Variants in MAN2B2 observed in about 807,000 individuals in gnomAD.
MAN2B2 encodes epididymis-specific alpha-mannosidase.
In MAN2B2, 106 loss-of-function variants were observed where a neutral mutation model predicts 117.1. The observed-to-expected ratio is 0.90, with a 90% confidence interval of 0.77 to 1.06. MAN2B2 has a LOEUF of 1.06. MAN2B2 is among the 50% of genes least tolerant of loss of function. MAN2B2 has a pLI of 0.00. For missense variants in MAN2B2, 1,326 were observed against 1,381.4 expected (o/e 0.96, Z 0.64); for synonymous variants, 544 against 595.1 (o/e 0.91, Z 1.25).
chr4:6,613,867 G>A (rs993212952), intron 15 of MAN2B2, among the ~76,000 whole-genome samples: 4 of 152,134 alleles, frequency 2.6e-5, no homozygotes, highest in Non-Finnish European at 5.9e-5. Context: ...GGAAAAAAAC[G>A]AAGGAAGAAA....
At chr4:6,600,906 G>GT (rs545583766) in intron 10 of MAN2B2, 150 bp downstream of exon 10, 20 of 967,990 alleles carry the variant, frequency 2.1e-5, no homozygotes, top group East Asian at 1.1e-4. Flanking sequence ...GCAAAGTGGG[G>GT]TTTTTTTCCC....
chr4:6,583,325 G>A (rs535589723), intron 3 of MAN2B2, among the ~76,000 whole-genome samples: 1 of 152,332 alleles, frequency 6.6e-6, no homozygotes, highest in East Asian at 1.9e-4. Flanking sequence ...GGCCAGAGTG[G>A]TGTCATGTGA....
In MAN2B2 at chr4:6,605,062, A is replaced by C. The variant is rs750708515; in HGVS notation, c.1547A>C (p.Asn516Thr). The C allele has an allele frequency of 6.2e-7, 1 of 1,611,934 alleles. No individual in the cohort carries two copies. Among genetic ancestry groups the C allele is most frequent in the South Asian group, 1.1e-5 (1 of 91,044 alleles). ...ATCCTGCTGGCCTTGCAGATCCAGAACTCAACAGAGACCCCATCTGCGTAT... is the reference window on the plus strand; with the variant it reads ...ATCCTGCTGGCCTTGCAGATCCAGACCTCAACAGAGACCCCATCTGCGTAT... ...AGHPVPSQIQ[N>T]STETPSAYDL... Residue 516 changes from asparagine (N) to threonine (T), a missense_variant, in exon 11 of 19, where the codon AAC becomes ACC. Transcript: ENST00000285599.
rs78413540 is a variant in MAN2B2, at chr4:6,619,995, G to T, written c.2883G>T (p.Leu961Phe). The T allele has an allele frequency of 2.5e-3, 3,985 of 1,613,894 alleles. 97 individuals are homozygous for T. The African/African-American group carries it at 0.046, about 19-fold the overall frequency. ...GCTCGCTCACAGGGACCTGGGATTT[G>T]AGCATGCTGCACCGCTGGAGCTGGA... is the stretch of plus-strand genomic sequence containing the variant. ...EERSLTGTWD[L>F]SMLHRWSWRT... The change falls in exon 18 of 19, where the codon TTG (leucine) becomes TTT (phenylalanine). Residue 961 changes from leucine to phenylalanine, a missense_variant. Physicochemically the swap from Leu to Phe is conservative, Grantham distance 22 (BLOSUM62 0). Coordinates refer to ENST00000285599, the MANE Select transcript of MAN2B2 (RefSeq NM_015274.3).
chr4:6,579,593 C>A (rs2108858558), intron 3 of MAN2B2, among the ~76,000 whole-genome samples: 1 of 151,198 alleles, frequency 6.6e-6, no homozygotes, highest in East Asian at 1.9e-4. Flanking sequence ...ACCATCACCA[C>A]TACCACCATC....
At chr4:6,610,323 A>ATT (rs984187424) in intron 13 of MAN2B2, among the ~76,000 whole-genome samples, 1 of 152,040 alleles carries the variant, frequency 6.6e-6, no homozygotes, top group African/African-American at 2.4e-5. Flanking sequence ...TGCCCAGCTA[A>ATT]TTTTTATATT....
At position 6,600,485 on chromosome 4, in the gene MAN2B2, C is replaced by T. The variant is rs558012921; in HGVS notation, c.1406-138C>T. On this transcript the variant is annotated intron_variant, in intron 9 of 18. Coordinates refer to ENST00000285599, the MANE Select transcript of MAN2B2 (RefSeq NM_015274.3). ...TGGGAAACACCTGTTGGCCTGCCCC[C>T]TTCCTGGCTCCCCTGGGAGTTCTGG... 89 of 1,010,450 alleles carry T rather than the reference C, an allele frequency of 8.8e-5. No individual in the cohort carries two copies. The South Asian group carries it at 9.2e-4, about 10-fold the overall frequency. 62.6% of individuals were successfully genotyped at this position (1,010,450 alleles called of 1,614,324 possible). A position where few individuals can be genotyped will look rare whatever the true frequency, so the allele number is the denominator to read the frequency against.
intron 15 of MAN2B2, 54 bp downstream of exon 15, chr4:6,611,332 C>T: frequency 1.3e-6 from 2 of 1,518,980 alleles, no homozygotes; most frequent in Non-Finnish European, 1.8e-6. Flanking sequence ...ACCAGCCAGG[C>T]CAGGGCGGGC....
At chr4:6,588,116 G>C (rs1726714219) in intron 4 of MAN2B2, among the ~76,000 whole-genome samples, 1 of 152,122 alleles carries the variant, frequency 6.6e-6, no homozygotes, top group Non-Finnish European at 1.5e-5. Flanking sequence ...GTCATCATTT[G>C]CTAGGGCTGC....
chr4:6,587,078 G>A lies in MAN2B2; in HGVS notation c.474G>A (p.Thr158=), dbSNP rs1035562663. The change falls in exon 4 of 19, where the codon ACG becomes ACA. Residue 158 remains threonine (T), a synonymous_variant. Coordinates refer to ENST00000285599, the MANE Select transcript of MAN2B2 (RefSeq NM_015274.3). ...WHVDPFGASA[T]TPTLFALAGF... Reference sequence around the variant, plus strand: ...TTGACCCGTTTGGCGCCTCTGCCACGACGCCCACCCTATTTGCGCTGGCGG... The same window carrying A: ...TTGACCCGTTTGGCGCCTCTGCCACAACGCCCACCCTATTTGCGCTGGCGG... The A allele has an allele frequency of 1.9e-6, 3 of 1,614,038 alleles. No individual in the cohort carries two copies. Among genetic ancestry groups the A allele is most frequent in the East Asian group, 2.2e-5 (1 of 44,868 alleles).
intron 3 of MAN2B2, among the ~76,000 whole-genome samples, chr4:6,580,903 T>C (rs4642309): frequency 0.047 from 7,137 of 152,086 alleles, 249 homozygotes; most frequent in South Asian, 0.11. Context: ...ACTGGAAGCC[T>C]CAGGGAAGCT....
rs747060736 is a variant in MAN2B2, at chr4:6,594,631, C to G, written c.956C>G (p.Ser319Trp). 7.4e-6 allele frequency: 12 copies of G among 1,613,698 alleles called. No individual in the cohort carries two copies. In the South Asian group the frequency reaches 1.3e-4, roughly 18 times the overall value. ...AGCCATGCTGCCGAGCTCGGTGTCT[C>G]GGTGCAGTATGCCACGCTGGGCGAC... ...INSHAAELGV[S>W]VQYATLGDYF... Residue 319 changes from serine (S) to tryptophan (W), a missense_variant, in exon 7 of 19, where the codon TCG becomes TGG. Coordinates refer to ENST00000285599, the MANE Select transcript of MAN2B2 (RefSeq NM_015274.3).
At chr4:6,596,968 C>A in intron 7 of MAN2B2, 145 bp from the exon 8 acceptor site, 2 of 745,614 alleles carry the variant, frequency 2.7e-6, no homozygotes, top group Admixed American at 2.6e-5. Flanking sequence ...AAGCCCTGGG[C>A]TCGCTGCCTG....
intron 1 of MAN2B2, 25 bp downstream of exon 1, chr4:6,575,373 G>C: frequency 2.0e-6 from 3 of 1,467,148 alleles, no homozygotes; most frequent in Non-Finnish European, 2.7e-6. Context: ...CGCCCCGCGC[G>C]CCCCTGAGGC....
intron 3 of MAN2B2, among the ~76,000 whole-genome samples, chr4:6,582,532 A>G (rs1025769420): frequency 6.6e-6 from 1 of 151,914 alleles, no homozygotes; most frequent in African/African-American, 2.4e-5. Flanking sequence ...AAAGACAGGG[A>G]TCTCACCATG....
intron 5 of MAN2B2, among the ~76,000 whole-genome samples, chr4:6,591,981 G>A (rs542766275): frequency 6.6e-6 from 1 of 152,248 alleles, no homozygotes; most frequent in South Asian, 2.1e-4. Flanking sequence ...ACAGCAGCCC[G>A]CCCCAGGTCC....
intron 10 of MAN2B2, among the ~76,000 whole-genome samples, chr4:6,604,502 T>G (rs1331309637): frequency 4.6e-5 from 6 of 130,896 alleles, no homozygotes; most frequent in Non-Finnish European, 6.4e-5. Context: ...GGGGAGTGAC[T>G]GAGGGATGGG....
At chr4:6,613,858 G>GA (rs904927045) in intron 15 of MAN2B2, among the ~76,000 whole-genome samples, 3 of 151,760 alleles carry the variant, frequency 2.0e-5, no homozygotes, top group African/African-American at 7.3e-5. Flanking sequence ...AAGAAGGAAG[G>GA]AAAAAAACGA....
intron 7 of MAN2B2, 63 bp from the exon 8 acceptor site, chr4:6,597,050 C>A: frequency 1.3e-6 from 2 of 1,495,986 alleles, no homozygotes; most frequent in South Asian, 1.2e-5. Flanking sequence ...TCTTCCAGGG[C>A]TGGAGCTTAG....
Sources: gnomAD v4.1 joint callset for allele counts (sites outside exome capture counted in the v4.1 genomes callset) on GRCh38, gnomAD v4.1.1 for gene constraint, MANE v1.5 for transcripts, NCBI Gene and HGNC (gene_info 2026-07-23, HGNC 2026-07-21) for gene names.